Variants in CPLX2 observed in about 807,000 individuals in gnomAD.
CPLX2 encodes complexin 2, also known as complexin-2.
A neutral mutation model predicts 16.3 loss-of-function variants in CPLX2; 5 were observed. That is an observed-to-expected ratio of 0.31 (90% CI 0.16 to 0.64). The LOEUF is 0.64. CPLX2 is among the 30% of genes least tolerant of loss of function. CPLX2 has a pLI of 0.79. For synonymous variants in CPLX2, 89 were observed against 73.2 expected (o/e 1.22, Z -1.10); for missense variants, 144 against 181.4 (o/e 0.79, Z 1.18).
In CPLX2 at chr5:175,878,736, C is replaced by T. The variant is rs774394266; in HGVS notation, c.-4C>T. The stretch of plus-strand genomic sequence containing the variant: ...GCTAAGGCACGCTAACCAGAGCCGG[C>T]GGCATGGACTTCGTCATGAAGCAGG... On this transcript the variant is annotated 5_prime_UTR_variant, in exon 2 of 4. Coordinates refer to ENST00000393745, the MANE Select transcript of CPLX2 (RefSeq NM_001008220.2). 1.5e-5 allele frequency: 25 copies of T among 1,613,198 alleles called. No homozygotes were observed. The highest frequency in any genetic ancestry group is 2.2e-5 in the East Asian group (1 of 44,872).
intron 2 of CPLX2, among the ~76,000 whole-genome samples, chr5:175,811,326 A>C (rs1199998241): frequency 6.6e-6 from 1 of 152,184 alleles, no homozygotes; most frequent in Non-Finnish European, 1.5e-5. Context: ...CCAGGCCAGA[A>C]AGGAGGATCT....
Position 175,880,136 on chromosome 5 carries a change from G to A in CPLX2, c.*91G>A. On this transcript the variant is annotated 3_prime_UTR_variant, in exon 4 of 4. Transcript: ENST00000393745. ...ATTAGGTTAAGTCTCAATTCTGAAG[G>A]GGAAAACCTCAGTTGGCCTCTGCCC... 7.0e-7 allele frequency: 1 copy of A among 1,432,244 alleles called. No individual in the cohort carries two copies. Among genetic ancestry groups the A allele is most frequent in the South Asian group, 1.2e-5 (1 of 81,450 alleles). 88.7% of individuals were successfully genotyped at this position (1,432,244 alleles called of 1,614,324 possible). A position where few individuals can be genotyped will look rare whatever the true frequency, so the allele number is the denominator to read the frequency against.
chr5:175,860,936 T>C (rs1017765470), intron 2 of CPLX2, among the ~76,000 whole-genome samples: 3 of 149,552 alleles, frequency 2.0e-5, no homozygotes, highest in Non-Finnish European at 4.4e-5. Flanking sequence ...CATAATGCCA[T>C]AGTGATAGGG....
At chr5:175,813,012 C>CT (rs1269582647) in intron 2 of CPLX2, among the ~76,000 whole-genome samples, 1 of 152,134 alleles carries the variant, frequency 6.6e-6, no homozygotes, top group Non-Finnish European at 1.5e-5. Flanking sequence ...GCAAGTGTCC[C>CT]TTTGAGCCTC....
chr5:175,832,584 T>C (rs566303719), intron 2 of CPLX2, among the ~76,000 whole-genome samples: 12 of 152,330 alleles, frequency 7.9e-5, no homozygotes, highest in African/African-American at 2.4e-4. Flanking sequence ...CCAGACAAGC[T>C]TGGGGACCCA....
intron 2 of CPLX2, among the ~76,000 whole-genome samples, chr5:175,824,503 G>T (rs781591496): frequency 5.9e-5 from 9 of 152,208 alleles, no homozygotes; most frequent in Non-Finnish European, 1.2e-4. Flanking sequence ...AAGGCAAATG[G>T]ACTTGCCCAA....
intron 1 of CPLX2, 182 bp downstream of exon 1, chr5:175,871,887 G>C (rs1400306268): frequency 6.6e-6 from 1 of 152,342 alleles, no homozygotes; most frequent in Non-Finnish European, 1.5e-5. Context: ...ACACTCCCGG[G>C]TGCGCTCTCC....
At chr5:175,846,160 C>T (rs1759039507) in intron 2 of CPLX2, among the ~76,000 whole-genome samples, 1 of 152,162 alleles carries the variant, frequency 6.6e-6, no homozygotes, top group African/African-American at 2.4e-5. Flanking sequence ...CAAGTCCTCC[C>T]CAAGGGTGGG....
intron 2 of CPLX2, among the ~76,000 whole-genome samples, chr5:175,826,267 T>C (rs1758613186): frequency 6.6e-6 from 1 of 152,032 alleles, no homozygotes; most frequent in Non-Finnish European, 1.5e-5. Context: ...TCAGATAGTG[T>C]AGACAGATGC....
chr5:175,879,761 C>T, intron 3 of CPLX2, 87 bp from the exon 4 acceptor site: 1 of 1,315,362 alleles, frequency 7.6e-7, no homozygotes, highest in South Asian at 1.3e-5. Context: ...CTCCTGGCCA[C>T]CTCAGCCAGT....
At chr5:175,851,084 G>T (rs1418098634) in intron 2 of CPLX2, among the ~76,000 whole-genome samples, 1 of 151,998 alleles carries the variant, frequency 6.6e-6, no homozygotes, top group African/African-American at 2.4e-5. Context: ...TCTGGTGGGA[G>T]ATAAATAAGT....
intron 2 of CPLX2, among the ~76,000 whole-genome samples, chr5:175,833,667 A>G (rs925654580): frequency 6.6e-6 from 1 of 152,028 alleles, no homozygotes; most frequent in African/African-American, 2.4e-5. Flanking sequence ...CTGGGCAGGT[A>G]TGGTTTGGAA....
At chr5:175,819,889 A>T (rs1384771448) in intron 2 of CPLX2, among the ~76,000 whole-genome samples, 1 of 152,260 alleles carries the variant, frequency 6.6e-6, no homozygotes, top group Non-Finnish European at 1.5e-5. Flanking sequence ...AGGGAGGAAT[A>T]GAACAGAAGG....
At chr5:175,798,167 G>T (rs1428996607) in intron 1 of CPLX2, among the ~76,000 whole-genome samples, 1 of 152,174 alleles carries the variant, frequency 6.6e-6, no homozygotes, top group African/African-American at 2.4e-5. Flanking sequence ...ACTAGCATAT[G>T]ACCTTGGGCA....
chr5:175,817,571 G>A (rs987491196), intron 2 of CPLX2, among the ~76,000 whole-genome samples: 4 of 152,038 alleles, frequency 2.6e-5, no homozygotes, highest in East Asian at 1.9e-4. Context: ...TGCCCCCCTC[G>A]CCCTACAAGC....
In CPLX2 at chr5:175,819,216, GT is replaced by G. The variant is rs201076178; in HGVS notation, c.-89+10149del. Among the ~76,000 whole-genome samples, 860 of 152,238 alleles carry G rather than the reference GT, an allele frequency of 5.6e-3. 11 individuals are homozygous for G. Among genetic ancestry groups the G allele is most frequent in the African/African-American group, 0.019 (808 of 41,526 alleles). On this transcript the variant is annotated intron_variant, in intron 2 of 4. Coordinates refer to the CPLX2 transcript ENST00000359546. Reference sequence around the variant, plus strand: ...CGCTGCCATGAAGATTCTTGCACGTGTCTTTGGAAAAACACATGTACACATT... The same window carrying G: ...CGCTGCCATGAAGATTCTTGCACGTGCTTTGGAAAAACACATGTACACATT...
chr5:175,880,505 CA>C lies in CPLX2; in HGVS notation c.*461del, dbSNP rs1415912059. ...GTGGCCTGGCTCTGAGGAAGGGAGTCAGGGGAAGCCTGTCCCGGGAAGGCCC... is the reference window on the plus strand; with the variant it reads ...GTGGCCTGGCTCTGAGGAAGGGAGTCGGGGAAGCCTGTCCCGGGAAGGCCC... On this transcript the variant is annotated 3_prime_UTR_variant, in exon 4 of 4. Transcript: ENST00000393745. 1 of 200,306 alleles carries C rather than the reference CA, an allele frequency of 5.0e-6. No homozygotes were observed. Among genetic ancestry groups the C allele is most frequent in the Non-Finnish European group, 1.0e-5 (1 of 97,274 alleles). 12.4% of individuals were successfully genotyped at this position (200,306 alleles called of 1,614,324 possible).
At chr5:175,843,874 G>T (rs1337818828) in intron 2 of CPLX2, among the ~76,000 whole-genome samples, 1 of 152,238 alleles carries the variant, frequency 6.6e-6, no homozygotes, top group Non-Finnish European at 1.5e-5. Context: ...CAGCTGTAGG[G>T]AGGGTTCCCA....
In CPLX2 at chr5:175,849,081, C is replaced by T. The variant is rs193137081; in HGVS notation, c.-88-29571C>T. ...CAGAGGTGTGTCGTGATCTAACTTA[C>T]ACTTCTCAGGATCCCTCCTCTGCTG... On this transcript the variant is annotated intron_variant, in intron 2 of 4. Coordinates refer to the CPLX2 transcript ENST00000359546. This position sits in a 1 kb window ranked among gnomAD's most constrained non-coding sequence, Gnocchi z 4.4. Among the ~76,000 whole-genome samples the T allele has an allele frequency of 2.0e-5, 3 of 152,334 alleles. No homozygotes were observed. Among genetic ancestry groups the T allele is most frequent in the Admixed American group, 6.5e-5 (1 of 15,312 alleles).
Sources: allele counts gnomAD v4.1 joint callset (sites outside exome capture counted in the v4.1 genomes callset), GRCh38; gene constraint gnomAD v4.1.1; non-coding constraint Gnocchi (gnomAD v3.1); transcripts MANE v1.5; gene names NCBI Gene and HGNC (gene_info 2026-07-23, HGNC 2026-07-21).